Variants in CACNA1A observed in about 807,000 individuals in gnomAD.
The protein encoded by CACNA1A is voltage-dependent P/Q-type calcium channel subunit alpha-1A.
Under a neutral mutation model 262.4 loss-of-function variants are expected in CACNA1A, and 57 were observed. The ratio of observed to expected loss-of-function variants is 0.22; its 90% CI spans 0.18 to 0.27. CACNA1A has a LOEUF of 0.27. Ranked by LOEUF, CACNA1A falls within the 10% of genes least tolerant of loss-of-function variation. The probability of loss-of-function intolerance (pLI) is 1.00; values close to 1 mark genes in which losing one functional copy is unlikely to be tolerated. For synonymous variants in CACNA1A, 1,431 were observed against 1,419.3 expected (o/e 1.01, Z -0.18); for missense variants, 2,526 against 3,562.8 (o/e 0.71, Z 7.41).
At chr19:13,208,665 T>C in intron 46 of CACNA1A, 91 bp downstream of exon 46, 10 of 1,416,736 alleles carry the variant, frequency 7.1e-6, no homozygotes, top group Non-Finnish European at 9.3e-6. Flanking sequence ...CGGGGACCTT[T>C]GCCTAGAGTG....
chr19:13,224,804 C>A, intron 37 of CACNA1A, 32 bp from the exon 38 acceptor site: 1 of 1,518,042 alleles, frequency 6.6e-7, no homozygotes, highest in Non-Finnish European at 9.0e-7. Context: ...CGCAGTCATT[C>A]CCAGGCATCC....
chr19:13,395,784 C>T (rs2059800614), intron 3 of CACNA1A, among the ~76,000 whole-genome samples: 1 of 151,776 alleles, frequency 6.6e-6, no homozygotes, highest in Admixed American at 6.6e-5. Context: ...CTGCCCCATA[C>T]CCGGAAGGAA....
intron 1 of CACNA1A, among the ~76,000 whole-genome samples, chr19:13,477,610 C>T (rs562969661): frequency 2.3e-4 from 35 of 152,340 alleles, no homozygotes; most frequent in Admixed American, 1.2e-3. Flanking sequence ...ATTATTCACA[C>T]AGCAAAGATG....
At chr19:13,392,653 G>A (rs1332869921) in intron 3 of CACNA1A, among the ~76,000 whole-genome samples, 1 of 152,162 alleles carries the variant, frequency 6.6e-6, no homozygotes, top group East Asian at 1.9e-4. Flanking sequence ...AAACTGTTAG[G>A]CAGTTTCTTT....
At chr19:13,431,124 T>C (rs146429932) in intron 3 of CACNA1A, among the ~76,000 whole-genome samples, 177 of 151,410 alleles carry the variant, frequency 1.2e-3, no homozygotes, top group Non-Finnish European at 2.0e-3. Context: ...TTTCTCCAAG[T>C]GAGGTTGTGA....
chr19:13,476,036 C>T (rs1978492588), intron 1 of CACNA1A, among the ~76,000 whole-genome samples: 2 of 152,144 alleles, frequency 1.3e-5, no homozygotes, highest in African/African-American at 4.8e-5. Flanking sequence ...CTTGTTCTTC[C>T]TCTGAAGCTG....
Position 13,317,154 on chromosome 19 carries a change from T to C in CACNA1A, c.1513A>G (p.Ile505Val), listed in dbSNP as rs750557478. Reference protein sequence around the residue: ...LVALNTLCVAIVHYNQPEWLS... With the variant: ...LVALNTLCVAVVHYNQPEWLS... ...CACTCGGGCTGGTTGTAGTGAACAA[T>C]AGCAACACACAGCGTGTTGAGAGCT... Residue 505 changes from isoleucine to valine, a missense_variant, in exon 11 of 47, where the codon ATT (isoleucine) becomes GTT (valine). This residue lies in a region of CACNA1A where 102 missense variants were observed against 278.9 expected (regional missense o/e 0.37). Transcript: ENST00000360228. The C allele has an allele frequency of 8.7e-6, 14 of 1,612,554 alleles. No homozygotes were observed. Among genetic ancestry groups the C allele is most frequent in the African/African-American group, 4.0e-5 (3 of 74,852 alleles).
intron 1 of CACNA1A, among the ~76,000 whole-genome samples, chr19:13,502,044 G>A (rs1022836300): frequency 2.6e-5 from 4 of 151,880 alleles, no homozygotes; most frequent in Admixed American, 6.6e-5. Flanking sequence ...TGCCCTCTAC[G>A]GCAGTACCTT....
chr19:13,208,130 G>T, intron 46 of CACNA1A, 77 bp from the exon 47 acceptor site: 1 of 971,750 alleles, frequency 1.0e-6, no homozygotes. Context: ...TTGGGAGGAA[G>T]AGAGGGGAGC....
chr19:13,278,564 C>T (rs370821151), intron 22 of CACNA1A, among the ~76,000 whole-genome samples: 3 of 152,078 alleles, frequency 2.0e-5, no homozygotes, highest in East Asian at 1.9e-4. Flanking sequence ...ACCACACCCC[C>T]GGCCACTTAT....
At chr19:13,365,524 CCG>C in intron 4 of CACNA1A, 55 bp from the exon 5 acceptor site, 1 of 1,537,658 alleles carries the variant, frequency 6.5e-7, no homozygotes, top group Non-Finnish European at 8.9e-7. Flanking sequence ...CCCCCAAACC[CCG>C]CCACCAAGAC....
intron 22 of CACNA1A, chr19:13,277,585 G>A (rs2057181137): frequency 6.4e-6 from 1 of 156,058 alleles, no homozygotes; most frequent in Admixed American, 6.3e-5. Flanking sequence ...CCAACTTCCT[G>A]CCACGGCATC....
rs184557040 is a variant in CACNA1A, at chr19:13,245,802, G to A, written c.4867-537C>T. 7.3e-4 allele frequency among the ~76,000 whole-genome samples: 110 copies of A among 151,580 alleles called. 1 individual carries two copies. The highest frequency in any genetic ancestry group is 2.5e-3 in the African/African-American group (105 of 41,324). Reference sequence around the variant, plus strand: ...TTCTCCTGCCTCAGCCTCCCAAGTAGGTAGGACCACAGGTGCATGCCACCA... The same window carrying A: ...TTCTCCTGCCTCAGCCTCCCAAGTAAGTAGGACCACAGGTGCATGCCACCA... On this transcript the variant is annotated intron_variant, in intron 30 of 46. Coordinates refer to ENST00000360228, the MANE Select transcript of CACNA1A (RefSeq NM_001127222.2).
chr19:13,373,837 T>G (rs1168359434), intron 3 of CACNA1A, among the ~76,000 whole-genome samples: 1 of 152,164 alleles, frequency 6.6e-6, no homozygotes, highest in East Asian at 1.9e-4. Context: ...ATGTGCTGGG[T>G]AGAGTGACAT....
intron 10 of CACNA1A, among the ~76,000 whole-genome samples, chr19:13,321,194 C>T (rs114301521): frequency 4.3e-4 from 66 of 151,996 alleles, no homozygotes; most frequent in Middle Eastern, 3.4e-3. Context: ...CTACCACGTC[C>T]GAATAATTTT....
chr19:13,281,746 T>A (rs997472818), intron 22 of CACNA1A, among the ~76,000 whole-genome samples: 2 of 152,224 alleles, frequency 1.3e-5, no homozygotes, highest in African/African-American at 4.8e-5. Flanking sequence ...TGGATGGTGG[T>A]TACGTGGTGT....
chr19:13,297,924 A>G (rs982784229), intron 19 of CACNA1A, among the ~76,000 whole-genome samples: 2 of 150,610 alleles, frequency 1.3e-5, no homozygotes, highest in Non-Finnish European at 3.0e-5. Context: ...TCCACCTCCC[A>G]GGTTCAACTG....
chr19:13,358,256 C>G (rs2059041641), intron 6 of CACNA1A, among the ~76,000 whole-genome samples: 1 of 152,202 alleles, frequency 6.6e-6, no homozygotes, highest in African/African-American at 2.4e-5. Context: ...CAATAGAATG[C>G]TATGCAGCTG....
chr19:13,485,644 G>A (rs747013904), intron 1 of CACNA1A, among the ~76,000 whole-genome samples: 22 of 152,058 alleles, frequency 1.4e-4, no homozygotes, highest in South Asian at 2.1e-4. Flanking sequence ...ATTTGCAATC[G>A]GGGGATGCAA....
Sources: gnomAD v4.1 joint callset for allele counts (sites outside exome capture counted in the v4.1 genomes callset) on GRCh38, gnomAD v4.1.1 for gene constraint, gnomAD v4.1.1 regional missense constraint, MANE v1.5 for transcripts, NCBI Gene and HGNC (gene_info 2026-07-23, HGNC 2026-07-21) for gene names.